The following TRIM33 variants were observed in gnomAD, a reference collection of about 807,000 sequenced individuals.
TRIM33 encodes the protein tripartite motif containing 33.
In TRIM33, 20 loss-of-function variants were observed where a neutral mutation model predicts 125.4. The ratio of observed to expected loss-of-function variants is 0.16; its 90% CI spans 0.11 to 0.23. The LOEUF (loss-of-function observed/expected upper bound fraction) is 0.23, where lower values mean the gene tolerates loss of function less well. TRIM33 is among the 10% of genes least tolerant of loss of function. The pLI is 1.00. For synonymous variants in TRIM33, 564 were observed against 513.9 expected (o/e 1.10, Z -1.32); for missense variants, 920 against 1,411.4 (o/e 0.65, Z 5.58).
chr1:114,506,720 C>CA lies in TRIM33; in HGVS notation c.526+3830dup, dbSNP rs372803957. Among the ~76,000 whole-genome samples, 384 of 152,168 alleles carry CA rather than the reference C, an allele frequency of 2.5e-3. 1 individual carries two copies. The highest frequency in any genetic ancestry group is 8.6e-3 in the African/African-American group (356 of 41,522). ...TGCCTCAACCTGAAAAAGCACCCCCCAAAAAATCACAAAAACACTTTAAAA... is the reference window on the plus strand; with the variant it reads ...TGCCTCAACCTGAAAAAGCACCCCCCAAAAAAATCACAAAAACACTTTAAAA... On this transcript the variant is annotated intron_variant, in intron 1 of 19. Transcript: ENST00000358465.
intron 1 of TRIM33, among the ~76,000 whole-genome samples, chr1:114,482,068 G>A (rs1007565457): frequency 6.6e-6 from 1 of 152,154 alleles, no homozygotes; most frequent in African/African-American, 2.4e-5. Context: ...TTTCTGCCAT[G>A]ACAAAATGTT....
At chr1:114,464,126 T>A in intron 2 of TRIM33, 144 bp downstream of exon 2, 1 of 504,790 alleles carries the variant, frequency 2.0e-6, no homozygotes, top group Non-Finnish European at 3.5e-6. Context: ...TGAGAGTATA[T>A]AAGAAAGCTA....
chr1:114,454,939 G>A (rs1194410798), intron 4 of TRIM33, among the ~76,000 whole-genome samples: 1 of 152,106 alleles, frequency 6.6e-6, no homozygotes, highest in Admixed American at 6.6e-5. Context: ...ACTGAAACCA[G>A]GGATTATAGT....
chr1:114,446,766 A>G (rs1401073854), intron 4 of TRIM33, among the ~76,000 whole-genome samples: 1 of 152,218 alleles, frequency 6.6e-6, no homozygotes, highest in Non-Finnish European at 1.5e-5. Flanking sequence ...TAAAAAACAG[A>G]GAAAGGAGCC....
At chr1:114,454,340 C>A (rs530221824) in intron 4 of TRIM33, among the ~76,000 whole-genome samples, 1 of 151,992 alleles carries the variant, frequency 6.6e-6, no homozygotes, top group East Asian at 1.9e-4. Flanking sequence ...AATGGTAGAC[C>A]CAATTCCAGA....
At chr1:114,477,124 A>G (rs1458902167) in intron 1 of TRIM33, among the ~76,000 whole-genome samples, 3 of 152,196 alleles carry the variant, frequency 2.0e-5, no homozygotes, top group Admixed American at 6.5e-5. Flanking sequence ...AGGTTTACCA[A>G]GAATTCAAGG....
chr1:114,500,087 A>G (rs1374197006), intron 1 of TRIM33, among the ~76,000 whole-genome samples: 1 of 152,118 alleles, frequency 6.6e-6, no homozygotes, highest in Non-Finnish European at 1.5e-5. Flanking sequence ...GAATTGCTTG[A>G]ACCTGGGAGT....
chr1:114,429,413 G>A (rs993478704), intron 6 of TRIM33, among the ~76,000 whole-genome samples: 1 of 150,982 alleles, frequency 6.6e-6, no homozygotes, highest in Non-Finnish European at 1.5e-5. Flanking sequence ...AGCTGGTCTC[G>A]AACTCCTGAC....
rs112059163 is a variant in TRIM33, at chr1:114,405,772, G to A, written c.2419-13C>T. 3.9e-3 allele frequency: 6,153 copies of A among 1,580,660 alleles called. 53 individuals are homozygous for A. Among genetic ancestry groups the A allele is most frequent in the African/African-American group, 0.025 (1,833 of 73,470 alleles). Reference sequence around the variant, plus strand: ...CAGGACTGCTCAACTAAAACAAAACGATGACAAATTCTTGAAGAATCATTT... The same window carrying A: ...CAGGACTGCTCAACTAAAACAAAACAATGACAAATTCTTGAAGAATCATTT... On this transcript the variant is annotated splice_polypyrimidine_tract_variant and intron_variant, in intron 14 of 19. Coordinates refer to ENST00000358465, the MANE Select transcript of TRIM33 (RefSeq NM_015906.4).
intron 1 of TRIM33, among the ~76,000 whole-genome samples, chr1:114,500,754 AAAG>A (rs1344797680): frequency 6.6e-6 from 1 of 152,152 alleles, no homozygotes; most frequent in Admixed American, 6.5e-5. Context: ...AGCAAAAAAA[AAAG>A]GAGGAAAAAC....
At chr1:114,400,580 T>C (rs1352867212) in intron 17 of TRIM33, among the ~76,000 whole-genome samples, 1 of 152,216 alleles carries the variant, frequency 6.6e-6, no homozygotes, top group African/African-American at 2.4e-5. Context: ...CACTTAAAGA[T>C]GAGACAAATT....
At chr1:114,430,966 C>A in intron 5 of TRIM33, 54 bp from the exon 6 acceptor site, 1 of 997,090 alleles carries the variant, frequency 1.0e-6, no homozygotes, top group Non-Finnish European at 1.6e-6. Context: ...GTCTCTGAAT[C>A]ATCAACTGTT....
Position 114,393,221 on chromosome 1 carries a change from T to A in TRIM33, c.*4427A>T, listed in dbSNP as rs1038215014. ...CCTTTCGTGTGTAGGTATGTCTACATAAAAAATTAACAGGCTTTCAAATTG... is the reference window on the plus strand; with the variant it reads ...CCTTTCGTGTGTAGGTATGTCTACAAAAAAAATTAACAGGCTTTCAAATTG... On this transcript the variant is annotated 3_prime_UTR_variant, in exon 20 of 20. Transcript: ENST00000358465. 4.7e-6 allele frequency: 1 copy of A among 211,934 alleles called. No homozygotes were observed. The highest frequency in any genetic ancestry group is 5.9e-5 in the Admixed American group (1 of 17,030). The allele number at this position is 211,934 out of a possible 1,614,324, so 13.1% of individuals were successfully genotyped here.
At chr1:114,485,283 T>A (rs957671778) in intron 1 of TRIM33, among the ~76,000 whole-genome samples, 2 of 151,112 alleles carry the variant, frequency 1.3e-5, no homozygotes. Flanking sequence ...CCCCCATTTT[T>A]TTTTTAAAAC....
chr1:114,466,264 TA>T (rs1409273911), intron 1 of TRIM33, among the ~76,000 whole-genome samples: 1 of 152,190 alleles, frequency 6.6e-6, no homozygotes, highest in Non-Finnish European at 1.5e-5. Flanking sequence ...TGAGAGCAAC[TA>T]ACTCTTCTTA....
At chr1:114,441,330 A>G (rs1648637119) in intron 4 of TRIM33, among the ~76,000 whole-genome samples, 1 of 152,256 alleles carries the variant, frequency 6.6e-6, no homozygotes, top group Non-Finnish European at 1.5e-5. Flanking sequence ...CATTATTTAT[A>G]TGAACTAAAT....
intron 1 of TRIM33, among the ~76,000 whole-genome samples, chr1:114,481,660 T>G (rs1466214607): frequency 7.1e-6 from 1 of 140,874 alleles, no homozygotes; most frequent in Non-Finnish European, 1.5e-5. Context: ...TGTGTGTGTG[T>G]GTATATATAT....
At chr1:114,436,261 G>T (rs541294447) in intron 4 of TRIM33, among the ~76,000 whole-genome samples, 2 of 151,414 alleles carry the variant, frequency 1.3e-5, no homozygotes, top group Non-Finnish European at 2.9e-5. Context: ...AATTAGCCCG[G>T]CATGGTGGTG....
chr1:114,424,737 C>T lies in TRIM33; in HGVS notation c.1714G>A (p.Val572Met). The T allele has an allele frequency of 6.3e-7, 1 of 1,576,498 alleles. No homozygotes were observed. The highest frequency in any genetic ancestry group is 8.6e-7 in the Non-Finnish European group (1 of 1,162,012). The part of the protein sequence containing the change: ...LQQQPPRLIS[V>M]QTMQRGNMNC... ...ATGTTGCCTCTTTGCATTGTTTGCA[C>T]ACTGATCAATCGAGGAGGCTACAAA... is the stretch of plus-strand genomic sequence containing the variant. Residue 572 changes from valine to methionine, a missense_variant, in exon 10 of 20, where the codon GTG becomes ATG. By Grantham distance (21) the Val-to-Met change is conservative (BLOSUM62 1). Coordinates refer to ENST00000358465, the MANE Select transcript of TRIM33 (RefSeq NM_015906.4).
Sources: allele counts gnomAD v4.1 joint callset (sites outside exome capture counted in the v4.1 genomes callset), GRCh38; gene constraint gnomAD v4.1.1; transcripts MANE v1.5; gene names NCBI Gene and HGNC (gene_info 2026-07-23, HGNC 2026-07-21).